The following MARCHF8 variants were observed in gnomAD, a reference collection of about 807,000 sequenced individuals.
MARCHF8 encodes the protein E3 ubiquitin-protein ligase MARCHF8.
Under a neutral mutation model 51.6 loss-of-function variants are expected in MARCHF8, and 40 were observed. The observed-to-expected ratio is 0.77, with a 90% confidence interval of 0.60 to 1.01. The LOEUF (loss-of-function observed/expected upper bound fraction) is 1.01, where lower values mean the gene tolerates loss of function less well. MARCHF8 is among the 50% of genes least tolerant of loss of function. MARCHF8 has a pLI of 0.00. For missense variants in MARCHF8, 685 were observed against 708.6 expected, an observed-to-expected ratio of 0.97 and a Z score of 0.38; for synonymous variants, 263 against 280.3, an observed-to-expected ratio of 0.94 and a Z score of 0.62.
chr10:45,587,002 G>A (rs151329401), intron 1 of MARCHF8, among the ~76,000 whole-genome samples: 21 of 150,850 alleles, frequency 1.4e-4, no homozygotes, highest in African/African-American at 4.1e-4. Flanking sequence ...AGTGCTTTTT[G>A]TACCACATAT....
rs1378300235 is a variant in MARCHF8, at chr10:45,532,967, T to C, written c.102+143A>G. 9 of 529,084 alleles carry C rather than the reference T, an allele frequency of 1.7e-5. No homozygotes were observed. In the East Asian group the frequency reaches 3.3e-4, roughly 19 times the overall value. The allele number at this position is 529,084 out of a possible 1,614,324, so 32.8% of individuals were successfully genotyped here. A position where few individuals can be genotyped will look rare whatever the true frequency, so the allele number is the denominator to read the frequency against. ...AACCTAGAAATCTACAAAAAGACAA[T>C]TCCTTCTGAGTACAACTATTTGTGT... On this transcript the variant is annotated intron_variant, in intron 2 of 7. Transcript: ENST00000453424.
chr10:45,460,199 C>A (rs1240444953), intron 6 of MARCHF8, among the ~76,000 whole-genome samples: 1 of 152,148 alleles, frequency 6.6e-6, no homozygotes, highest in Non-Finnish European at 1.5e-5. Context: ...AGAGTCAGTG[C>A]CTCAGTGCCC....
chr10:45,485,388 TC>T (rs2042961502), intron 3 of MARCHF8, among the ~76,000 whole-genome samples: 1 of 152,186 alleles, frequency 6.6e-6, no homozygotes, highest in African/African-American at 2.4e-5. Context: ...ACAAATGATA[TC>T]CATTAACATT....
chr10:45,524,100 T>C (rs1048547593), intron 2 of MARCHF8, among the ~76,000 whole-genome samples: 2 of 152,246 alleles, frequency 1.3e-5, no homozygotes, highest in African/African-American at 4.8e-5. Context: ...AAAATCTATA[T>C]ATGCAAAAGA....
chr10:45,479,168 T>C (rs2042840667), intron 3 of MARCHF8, among the ~76,000 whole-genome samples: 2 of 152,210 alleles, frequency 1.3e-5, no homozygotes, highest in South Asian at 4.1e-4. Context: ...AATTTATCCC[T>C]AGGATGCAAG....
In MARCHF8 at chr10:45,461,492, C is replaced by T. The variant is rs370903550; in HGVS notation, c.1089-81G>A. On this transcript the variant is annotated intron_variant, in intron 5 of 7. Coordinates refer to ENST00000453424, the MANE Select transcript of MARCHF8 (RefSeq NM_001282866.2). ...ACACTTCAGTGGCAGGTTAATCCCCCCAAAGGAAACTCAGAAACGAACATT... is the reference window on the plus strand; with the variant it reads ...ACACTTCAGTGGCAGGTTAATCCCCTCAAAGGAAACTCAGAAACGAACATT... 3.8e-5 allele frequency: 47 copies of T among 1,236,734 alleles called. No homozygotes were observed. In the East Asian group the frequency reaches 1.2e-3, roughly 33 times the overall value. The allele number at this position is 1,236,734 out of a possible 1,614,324, so 76.6% of individuals were successfully genotyped here. A position where few individuals can be genotyped will look rare whatever the true frequency, so the allele number is the denominator to read the frequency against.
chr10:45,586,088 C>T (rs1179423789), intron 1 of MARCHF8, among the ~76,000 whole-genome samples: 4 of 152,040 alleles, frequency 2.6e-5, no homozygotes, highest in Admixed American at 2.6e-4. Flanking sequence ...ATAAAATGCA[C>T]CCATCTTAAG....
At position 45,474,325 on chromosome 10, in the gene MARCHF8, C is replaced by T. The variant is rs376088138; in HGVS notation, c.154-9998G>A. 1.2e-4 allele frequency among the ~76,000 whole-genome samples: 19 copies of T among 152,292 alleles called. No homozygotes were observed. The East Asian group carries it at 3.3e-3, about 26-fold the overall frequency. On this transcript the variant is annotated intron_variant, in intron 3 of 7. Coordinates refer to ENST00000453424, the MANE Select transcript of MARCHF8 (RefSeq NM_001282866.2). ...ACGTCACCTGAGTCCACCCTGAGGCCATGCCCAGTACACTGTGCATCGCCC... is the reference window on the plus strand; with the variant it reads ...ACGTCACCTGAGTCCACCCTGAGGCTATGCCCAGTACACTGTGCATCGCCC...
chr10:45,466,507 C>G (rs1415900821), intron 3 of MARCHF8, among the ~76,000 whole-genome samples: 1 of 152,120 alleles, frequency 6.6e-6, no homozygotes, highest in East Asian at 1.9e-4. Flanking sequence ...TCACTTCTTC[C>G]TCTGTGTTGC....
intron 2 of MARCHF8, among the ~76,000 whole-genome samples, chr10:45,523,709 G>C (rs1050089802): frequency 6.6e-6 from 1 of 152,092 alleles, no homozygotes; most frequent in African/African-American, 2.4e-5. Flanking sequence ...GTGATACCTA[G>C]ACAAACGTAT....
chr10:45,528,536 C>T (rs1278932286), intron 2 of MARCHF8, among the ~76,000 whole-genome samples: 2 of 152,134 alleles, frequency 1.3e-5, no homozygotes, highest in Admixed American at 6.5e-5. Flanking sequence ...CATAGCTTAG[C>T]GCAGCCTCGA....
intron 2 of MARCHF8, among the ~76,000 whole-genome samples, chr10:45,499,923 G>A (rs1319966906): frequency 6.6e-6 from 1 of 152,104 alleles, no homozygotes; most frequent in Non-Finnish European, 1.5e-5. Context: ...AGGATCCCTT[G>A]TGATTCCATA....
intron 1 of MARCHF8, among the ~76,000 whole-genome samples, chr10:45,568,273 G>C (rs2044387025): frequency 6.6e-6 from 1 of 152,054 alleles, no homozygotes. Flanking sequence ...TCCTTGTCTT[G>C]TCTGACTGCT....
chr10:45,593,825 T>A (rs1033955387), intron 1 of MARCHF8, among the ~76,000 whole-genome samples: 1 of 152,124 alleles, frequency 6.6e-6, no homozygotes, highest in Admixed American at 6.5e-5. Context: ...AAGAGAAAAA[T>A]AACAGAAAAC....
At chr10:45,590,948 C>G (rs2044673628) in intron 1 of MARCHF8, among the ~76,000 whole-genome samples, 1 of 152,230 alleles carries the variant, frequency 6.6e-6, no homozygotes, top group Non-Finnish European at 1.5e-5. Context: ...TGATGACGTT[C>G]CACCATTGTG....
At chr10:45,458,674 T>C in intron 7 of MARCHF8, 131 bp from the exon 8 acceptor site, 1 of 1,001,958 alleles carries the variant, frequency 1.0e-6, no homozygotes, top group Non-Finnish European at 1.4e-6. Flanking sequence ...GGAGTCTTGC[T>C]ATGTTGCCCA....
At chr10:45,507,021 C>T (rs1006743718) in intron 2 of MARCHF8, among the ~76,000 whole-genome samples, 1 of 152,180 alleles carries the variant, frequency 6.6e-6, no homozygotes, top group African/African-American at 2.4e-5. Context: ...AAAGTGTACA[C>T]ACAGTTAAAG....
intron 2 of MARCHF8, among the ~76,000 whole-genome samples, chr10:45,512,043 G>A (rs934303361): frequency 2.0e-5 from 3 of 150,256 alleles, no homozygotes; most frequent in African/African-American, 7.4e-5. Flanking sequence ...AGGAAGTAAG[G>A]AGCGTCTCTG....
intron 2 of MARCHF8, among the ~76,000 whole-genome samples, chr10:45,527,879 A>G (rs12764693): frequency 0.062 from 9,387 of 152,268 alleles, 330 homozygotes; most frequent in Non-Finnish European, 0.066. Flanking sequence ...CAAATCCAAC[A>G]GCACATCAAA....
Sources: gnomAD v4.1 joint callset for allele counts (sites outside exome capture counted in the v4.1 genomes callset) on GRCh38, gnomAD v4.1.1 for gene constraint, MANE v1.5 for transcripts, NCBI Gene and HGNC (gene_info 2026-07-23, HGNC 2026-07-21) for gene names.